The following AP1S3 variants were observed in gnomAD, a reference collection of about 807,000 sequenced individuals.
AP1S3 encodes AP-1 complex subunit sigma-3.
AP1S3 carries 10 observed loss-of-function variants against 20.9 expected under a neutral mutation model. The ratio of observed to expected loss-of-function variants is 0.48; its 90% CI spans 0.29 to 0.81. AP1S3 has a LOEUF of 0.81. Ranked by LOEUF, AP1S3 falls within the 30% of genes least tolerant of loss-of-function variation. The probability of loss-of-function intolerance (pLI) is 0.08; values close to 1 mark genes in which losing one functional copy is unlikely to be tolerated. For synonymous variants in AP1S3, 41 were observed against 61.5 expected (o/e 0.67, Z 1.56); for missense variants, 154 against 183.8 (o/e 0.84, Z 0.94).
At chr2:223,829,505 A>C (rs1429153201) in intron 1 of AP1S3, among the ~76,000 whole-genome samples, 1 of 152,062 alleles carries the variant, frequency 6.6e-6, no homozygotes, top group East Asian at 1.9e-4. Context: ...GGCGGGGGAG[A>C]TCACTTGAGG....
chr2:223,823,581 C>A (rs185197735), intron 1 of AP1S3, among the ~76,000 whole-genome samples: 99 of 152,188 alleles, frequency 6.5e-4, no homozygotes, highest in African/African-American at 2.3e-3. Flanking sequence ...TTACCAGGAG[C>A]TGGGGGGACA....
At chr2:223,810,942 T>C (rs1691709679) in intron 1 of AP1S3, among the ~76,000 whole-genome samples, 1 of 152,168 alleles carries the variant, frequency 6.6e-6, no homozygotes, top group Admixed American at 6.5e-5. Flanking sequence ...GCTCCTTTTT[T>C]TAATTTTCAA....
At position 223,756,405 on chromosome 2, in the gene AP1S3, G is replaced by T; in HGVS notation, c.*2310C>A. 1 of 492,872 alleles carries T rather than the reference G, an allele frequency of 2.0e-6. No homozygotes were observed. The highest frequency in any genetic ancestry group is 2.6e-6 in the Non-Finnish European group (1 of 388,984). The allele number at this position is 492,872 out of a possible 1,614,324, so 30.5% of individuals were successfully genotyped here. A position where few individuals can be genotyped will look rare whatever the true frequency, so the allele number is the denominator to read the frequency against. On this transcript the variant is annotated 3_prime_UTR_variant, in exon 5 of 5. Transcript: ENST00000396654. ...GGGAGGGAGGAAGGGAAGGAAGGAA[G>T]GGAGGGAAGGAGAGAGAGAGAAGAA...
intron 3 of AP1S3, among the ~76,000 whole-genome samples, chr2:223,770,727 A>ATTTTTTT (rs764596538): frequency 6.1e-5 from 7 of 115,314 alleles, no homozygotes; most frequent in African/African-American, 1.8e-4. Context: ...AGACCAGTTC[A>ATTTTTTT]TTTTTTTTTT....
intron 1 of AP1S3, among the ~76,000 whole-genome samples, chr2:223,791,268 G>A (rs928482353): frequency 1.3e-5 from 2 of 152,060 alleles, no homozygotes; most frequent in Admixed American, 6.6e-5. Flanking sequence ...GATGAACATC[G>A]ATGCAAAAAT....
chr2:223,766,781 G>A (rs1690495050), intron 3 of AP1S3, among the ~76,000 whole-genome samples: 1 of 152,192 alleles, frequency 6.6e-6, no homozygotes, highest in Non-Finnish European at 1.5e-5. Flanking sequence ...ACTGTTCACA[G>A]TAGCAAAGAC....
intron 1 of AP1S3, among the ~76,000 whole-genome samples, chr2:223,803,099 G>A (rs907440487): frequency 3.9e-5 from 6 of 152,184 alleles, no homozygotes; most frequent in Non-Finnish European, 8.8e-5. Context: ...GTTATCAGAT[G>A]TAAACAAACA....
At chr2:223,800,112 TG>T (rs58636006) in intron 1 of AP1S3, among the ~76,000 whole-genome samples, 51,878 of 150,420 alleles carry the variant, frequency 0.34, 9,225 homozygotes, top group Middle Eastern at 0.42. Flanking sequence ...CTACTCGGGA[TG>T]CTGAGACAAA....
Position 223,757,153 on chromosome 2 carries a change from C to T in AP1S3, c.*1562G>A, listed in dbSNP as rs1188559122. On this transcript the variant is annotated 3_prime_UTR_variant, in exon 5 of 5. Transcript: ENST00000396654. ...TACAGGCACCTGCCACCATGCCCGG[C>T]TAATTTTTTTGTTTGTTTGAGACGA... 3.4e-6 allele frequency: 1 copy of T among 295,502 alleles called. No individual in the cohort carries two copies. The highest frequency in any genetic ancestry group is 5.0e-6 in the Non-Finnish European group (1 of 199,792). The allele number at this position is 295,502 out of a possible 1,614,324, so 18.3% of individuals were successfully genotyped here.
Position 223,832,135 on chromosome 2 carries a change from C to CTGTGTGTGTGTG in AP1S3, c.3+5301_3+5312dup, listed in dbSNP as rs774812162. Among the ~76,000 whole-genome samples, 199 of 70,756 alleles carry CTGTGTGTGTGTG rather than the reference C, an allele frequency of 2.8e-3. 4 individuals carry two copies. Among genetic ancestry groups the CTGTGTGTGTGTG allele is most frequent in the East Asian group, 4.8e-3 (16 of 3,300 alleles). The allele number at this position is 70,756 out of a possible 152,430, so 46.4% of individuals were successfully genotyped here. Reference sequence around the variant, plus strand: ...GGGGATTATTAAAGGAGTTTTCTCTCTGTGTGTGTGTGTGTGTGTGTGTGT... The same window carrying CTGTGTGTGTGTG: ...GGGGATTATTAAAGGAGTTTTCTCTCTGTGTGTGTGTGTGTGTGTGTGTGTGTGTGTGTGTGT... On this transcript the variant is annotated intron_variant, in intron 1 of 4. Transcript: ENST00000396654.
chr2:223,822,856 A>G (rs1293853359), intron 1 of AP1S3, among the ~76,000 whole-genome samples: 1 of 152,156 alleles, frequency 6.6e-6, no homozygotes, highest in Non-Finnish European at 1.5e-5. Context: ...GGGTTAATGT[A>G]CAAAATACAT....
chr2:223,780,345 A>AGTGTGT (rs1424927955), intron 1 of AP1S3, among the ~76,000 whole-genome samples: 32 of 105,768 alleles, frequency 3.0e-4, no homozygotes, highest in Non-Finnish European at 4.3e-4. Flanking sequence ...AGAGAGAGAG[A>AGTGTGT]GAGAGAGAGA....
chr2:223,777,995 C>A (rs1690830290), intron 1 of AP1S3, 126 bp from the exon 2 acceptor site: 10 of 837,608 alleles, frequency 1.2e-5, no homozygotes, highest in African/African-American at 1.7e-5. Flanking sequence ...AAAATTCTTA[C>A]CAGCATGAAA....
At chr2:223,836,450 G>T (rs1199948957) in intron 1 of AP1S3, among the ~76,000 whole-genome samples, 1 of 152,076 alleles carries the variant, frequency 6.6e-6, no homozygotes. Context: ...CAGCCAAACT[G>T]CACACCATGC....
chr2:223,777,610 G>C (rs1690816821), intron 2 of AP1S3, 81 bp downstream of exon 2: 2 of 1,232,956 alleles, frequency 1.6e-6, no homozygotes, highest in East Asian at 4.9e-5. Context: ...TGATGGAATT[G>C]GTATAGCAAT....
At position 223,777,897 on chromosome 2, in the gene AP1S3, C is replaced by G. The variant is rs762919672; in HGVS notation, c.4-28G>C. On this transcript the variant is annotated intron_variant, in intron 1 of 4. Transcript: ENST00000396654. ...AGAACAAAGGACACAAAAAACAGAACCTGATCAACCAAGTCACTCTGCCGT... is the reference window on the plus strand; with the variant it reads ...AGAACAAAGGACACAAAAAACAGAAGCTGATCAACCAAGTCACTCTGCCGT... 4 of 1,587,812 alleles carry G rather than the reference C, an allele frequency of 2.5e-6. No individual in the cohort carries two copies. The African/African-American group carries it at 5.4e-5, about 21-fold the overall frequency.
chr2:223,792,904 G>C lies in AP1S3; in HGVS notation c.4-15035C>G, dbSNP rs151255006. On this transcript the variant is annotated intron_variant, in intron 1 of 4. Coordinates refer to ENST00000396654, the MANE Select transcript of AP1S3 (RefSeq NM_001039569.2). ...CAAACAAACAAACAAACCCATTAAA[G>C]TAGGCAAAGGACAAGAACAGATACT... 6.4e-4 allele frequency among the ~76,000 whole-genome samples: 97 copies of C among 152,104 alleles called. 1 individual carries two copies. In the South Asian group the frequency reaches 0.01, roughly 16 times the overall value.
intron 1 of AP1S3, among the ~76,000 whole-genome samples, chr2:223,783,617 C>T (rs1352610871): frequency 1.3e-5 from 2 of 152,230 alleles, no homozygotes; most frequent in African/African-American, 4.8e-5. Flanking sequence ...CCGGTGTCCG[C>T]ATCTTCCTTC....
chr2:223,795,291 G>T (rs1284986177), intron 1 of AP1S3, among the ~76,000 whole-genome samples: 1 of 152,112 alleles, frequency 6.6e-6, no homozygotes, highest in Non-Finnish European at 1.5e-5. Flanking sequence ...AAGGCCATCT[G>T]CTGAAGCCTT....
Sources: gnomAD v4.1 joint callset for allele counts (sites outside exome capture counted in the v4.1 genomes callset) on GRCh38, gnomAD v4.1.1 for gene constraint, MANE v1.5 for transcripts, NCBI Gene and HGNC (gene_info 2026-07-23, HGNC 2026-07-21) for gene names.